Variants in CCDC102B observed in about 807,000 individuals in gnomAD.
CCDC102B encodes coiled-coil domain-containing protein 102B.
CCDC102B carries 75 observed loss-of-function variants against 57.4 expected under a neutral mutation model. The observed-to-expected ratio is 1.31, with a 90% CI of 1.08 to 1.58. The LOEUF (loss-of-function observed/expected upper bound fraction) is 1.58, where lower values mean the gene tolerates loss of function less well. Among genes scored for constraint, CCDC102B ranks in the 40% most tolerant of loss-of-function variants. The probability of loss-of-function intolerance (pLI) is 0.00; values close to 1 mark genes in which losing one functional copy is unlikely to be tolerated. For synonymous variants in CCDC102B, 206 were observed against 201.9 expected (o/e 1.02, Z -0.17); for missense variants, 636 against 582.6 (o/e 1.09, Z -0.94).
At position 68,982,393 on chromosome 18, in the gene CCDC102B, A is replaced by G. The variant is rs149843863; in HGVS notation, c.1264-28541A>G. 1.4e-3 allele frequency among the ~76,000 whole-genome samples: 208 copies of G among 152,054 alleles called. 1 individual carries two copies. Among genetic ancestry groups the G allele is most frequent in the African/African-American group, 4.8e-3 (200 of 41,550 alleles). ...ACCCTTAACTATCCTTCTACTTTCTATGTCCATGAATTTAATTAATTTGAT... is the reference window on the plus strand; with the variant it reads ...ACCCTTAACTATCCTTCTACTTTCTGTGTCCATGAATTTAATTAATTTGAT... On this transcript the variant is annotated intron_variant, in intron 6 of 7. Transcript: ENST00000360242.
At chr18:68,853,486 C>T (rs2038227802) in intron 4 of CCDC102B, among the ~76,000 whole-genome samples, 1 of 151,506 alleles carries the variant, frequency 6.6e-6, no homozygotes, top group Admixed American at 6.6e-5. Flanking sequence ...GTATATAAAG[C>T]CAAAAAGCTA....
chr18:68,758,703 C>CT (rs201701357), intron 2 of CCDC102B, among the ~76,000 whole-genome samples: 9,868 of 142,828 alleles, frequency 0.069, 598 homozygotes, highest in African/African-American at 0.16. Flanking sequence ...CTAGTCATTC[C>CT]TTTTTTTTTT....
At chr18:68,997,684 T>G (rs1219966729) in intron 6 of CCDC102B, among the ~76,000 whole-genome samples, 1 of 152,066 alleles carries the variant, frequency 6.6e-6, no homozygotes, top group Non-Finnish European at 1.5e-5. Context: ...TATTTATTCC[T>G]CAATAATATC....
At chr18:68,916,625 T>C (rs911286144) in intron 6 of CCDC102B, among the ~76,000 whole-genome samples, 9 of 152,054 alleles carry the variant, frequency 5.9e-5, no homozygotes, top group African/African-American at 2.2e-4. Flanking sequence ...ACATACAAGG[T>C]AGATAGGGGA....
At chr18:68,996,860 G>A (rs1046197563) in intron 6 of CCDC102B, among the ~76,000 whole-genome samples, 1 of 152,148 alleles carries the variant, frequency 6.6e-6, no homozygotes, top group South Asian at 2.1e-4. Context: ...TTTGGGAGGG[G>A]CCAGGGGAAG....
intron 2 of CCDC102B, among the ~76,000 whole-genome samples, chr18:68,750,707 C>A (rs1161456016): frequency 1.3e-5 from 2 of 150,036 alleles, no homozygotes; most frequent in Non-Finnish European, 3.0e-5. Flanking sequence ...GACAAAAAAA[C>A]CGAACACCAC....
At chr18:68,868,750 G>T (rs559897548) in intron 4 of CCDC102B, among the ~76,000 whole-genome samples, 1 of 152,250 alleles carries the variant, frequency 6.6e-6, no homozygotes, top group Admixed American at 6.5e-5. Context: ...GCAATGGGGA[G>T]AGCTAATAAA....
At chr18:69,020,880 C>A (rs190150347) in intron 7 of CCDC102B, among the ~76,000 whole-genome samples, 5 of 152,290 alleles carry the variant, frequency 3.3e-5, no homozygotes, top group Admixed American at 2.0e-4. Flanking sequence ...TGTAATACAT[C>A]TTCTAGATTT....
intron 2 of CCDC102B, among the ~76,000 whole-genome samples, chr18:68,764,305 GCGA>G (rs2034354684): frequency 6.6e-6 from 1 of 152,090 alleles, no homozygotes; most frequent in Non-Finnish European, 1.5e-5. Flanking sequence ...GCATTGCATG[GCGA>G]CTCACAGTTC....
chr18:68,790,938 A>G (rs968142451), intron 2 of CCDC102B, among the ~76,000 whole-genome samples: 2 of 152,248 alleles, frequency 1.3e-5, no homozygotes, highest in Admixed American at 6.5e-5. Context: ...AGGAAATGAC[A>G]TTTTTTGAAT....
At chr18:68,866,922 T>C in intron 4 of CCDC102B, 1 of 552,722 alleles carries the variant, frequency 1.8e-6, no homozygotes, top group Non-Finnish European at 3.5e-6. Flanking sequence ...ATCTCACCCT[T>C]GATGTGGTAC....
At chr18:68,763,799 AT>A (rs1236452060) in intron 2 of CCDC102B, among the ~76,000 whole-genome samples, 1 of 151,538 alleles carries the variant, frequency 6.6e-6, no homozygotes, top group Non-Finnish European at 1.5e-5. Context: ...AGAACCTAGC[AT>A]TTTTTTCCCC....
chr18:68,758,777 A>T (rs920383477), intron 2 of CCDC102B, among the ~76,000 whole-genome samples: 3 of 151,856 alleles, frequency 2.0e-5, no homozygotes, highest in Admixed American at 2.0e-4. Context: ...TTCATGCATT[A>T]ACGAGGCAGA....
chr18:68,917,885 T>C (rs1029526685), intron 6 of CCDC102B, among the ~76,000 whole-genome samples: 2 of 152,198 alleles, frequency 1.3e-5, no homozygotes, highest in Non-Finnish European at 2.9e-5. Flanking sequence ...TTATTGGATA[T>C]AACCTGGAAA....
intron 2 of CCDC102B, among the ~76,000 whole-genome samples, chr18:68,740,121 T>A (rs1421514400): frequency 2.0e-5 from 3 of 152,168 alleles, no homozygotes; most frequent in Non-Finnish European, 4.4e-5. Context: ...CAGTTTAGGA[T>A]GTTTACCAGC....
At chr18:68,880,596 A>G (rs2039659502) in intron 5 of CCDC102B, among the ~76,000 whole-genome samples, 1 of 152,218 alleles carries the variant, frequency 6.6e-6, no homozygotes, top group South Asian at 2.1e-4. Flanking sequence ...CCCCATTTTC[A>G]TACAACAACT....
chr18:68,957,112 G>C (rs1036555485), intron 6 of CCDC102B, among the ~76,000 whole-genome samples: 1 of 151,672 alleles, frequency 6.6e-6, no homozygotes, highest in East Asian at 1.9e-4. Flanking sequence ...TTCCTTTACC[G>C]TGCAGAAGTT....
chr18:68,952,401 T>A (rs1483639322), intron 6 of CCDC102B, among the ~76,000 whole-genome samples: 1 of 152,124 alleles, frequency 6.6e-6, no homozygotes, highest in Admixed American at 6.6e-5. Context: ...TAGAGAGATG[T>A]TGAAGCCATT....
chr18:68,721,516 G>A (rs1455538849), intron 2 of CCDC102B: 1 of 152,082 alleles, frequency 6.6e-6, no homozygotes, highest in Non-Finnish European at 1.5e-5. Context: ...CATGAAGCTT[G>A]TGAGCTTCAT....
Sources: gnomAD v4.1 joint callset for allele counts (sites outside exome capture counted in the v4.1 genomes callset) on GRCh38, gnomAD v4.1.1 for gene constraint, MANE v1.5 for transcripts, NCBI Gene and HGNC (gene_info 2026-07-23, HGNC 2026-07-21) for gene names.